CA10: variants seen among roughly 807,000 people sequenced by gnomAD.
CA10 encodes the protein carbonic anhydrase-related protein 10.
Under a neutral mutation model 44.2 loss-of-function variants are expected in CA10, and 14 were observed. The observed-to-expected ratio is 0.32, with a 90% confidence interval of 0.21 to 0.50. The LOEUF is 0.50. CA10 is among the 20% of genes least tolerant of loss of function. The pLI is 0.99. For missense variants in CA10, 350 were observed against 409.7 expected (o/e 0.85, Z 1.26); for synonymous variants, 159 against 141.6 (o/e 1.12, Z -0.87).
intron 2 of CA10, among the ~76,000 whole-genome samples, chr17:52,042,121 C>G (rs940586547): frequency 6.6e-6 from 1 of 151,972 alleles, no homozygotes; most frequent in South Asian, 2.1e-4. Flanking sequence ...AGAAGTGAGA[C>G]AGCAGGATCA....
chr17:51,790,264 T>G (rs1232983656), intron 3 of CA10, among the ~76,000 whole-genome samples: 2 of 152,166 alleles, frequency 1.3e-5, no homozygotes, highest in Admixed American at 1.3e-4. Flanking sequence ...CATGATAACT[T>G]GCCTCAATGA....
At chr17:51,715,419 A>C (rs1009443573) in intron 4 of CA10, among the ~76,000 whole-genome samples, 2 of 152,172 alleles carry the variant, frequency 1.3e-5, no homozygotes, top group African/African-American at 4.8e-5. Context: ...AGTAATTAAA[A>C]AAATTTTTCC....
At chr17:51,867,374 A>G (rs1036667138) in intron 3 of CA10, among the ~76,000 whole-genome samples, 1 of 152,214 alleles carries the variant, frequency 6.6e-6, no homozygotes, top group Admixed American at 6.5e-5. Context: ...GAGACTGTAG[A>G]GTGTAATGGT....
intron 3 of CA10, among the ~76,000 whole-genome samples, chr17:51,755,376 G>C (rs1905046672): frequency 1.3e-5 from 2 of 152,148 alleles, no homozygotes; most frequent in Admixed American, 1.3e-4. Flanking sequence ...TTGTAGGGTG[G>C]ATGTTTACTG....
At chr17:51,996,570 A>G (rs895700792) in intron 2 of CA10, among the ~76,000 whole-genome samples, 1 of 151,874 alleles carries the variant, frequency 6.6e-6, no homozygotes, top group Admixed American at 6.6e-5. Flanking sequence ...CTAATTTCCT[A>G]TCTCATATTT....
intron 4 of CA10, among the ~76,000 whole-genome samples, chr17:51,668,498 AG>A (rs1468421709): frequency 1.3e-5 from 2 of 152,260 alleles, no homozygotes; most frequent in African/African-American, 4.8e-5. Context: ...GTTTATCAAC[AG>A]ATCTAGACTT....
chr17:51,936,783 C>T (rs1015313238), intron 2 of CA10, among the ~76,000 whole-genome samples: 4 of 152,034 alleles, frequency 2.6e-5, no homozygotes, highest in African/African-American at 9.7e-5. Context: ...GGAACACAGC[C>T]AAGAGCAAGC....
At chr17:52,051,933 G>T (rs189036955) in intron 2 of CA10, among the ~76,000 whole-genome samples, 88 of 152,164 alleles carry the variant, frequency 5.8e-4, no homozygotes, top group Non-Finnish European at 9.9e-4. Context: ...ATACACCATG[G>T]AATACTAGGC....
chr17:51,670,684 A>G (rs1199682148), intron 4 of CA10, among the ~76,000 whole-genome samples: 7 of 152,164 alleles, frequency 4.6e-5, no homozygotes, highest in African/African-American at 1.7e-4. Context: ...ACAATGAGTA[A>G]CACCACCACT....
chr17:51,786,739 T>C (rs1027666227), intron 3 of CA10, among the ~76,000 whole-genome samples: 2 of 152,260 alleles, frequency 1.3e-5, no homozygotes, highest in African/African-American at 4.8e-5. Flanking sequence ...AAGTGGGCAT[T>C]CTTGTTATGT....
At chr17:51,940,283 G>C (rs1309731809) in intron 2 of CA10, among the ~76,000 whole-genome samples, 1 of 152,050 alleles carries the variant, frequency 6.6e-6, no homozygotes, top group Non-Finnish European at 1.5e-5. Context: ...ACTGTTTTGA[G>C]TGTAGTAACA....
intron 4 of CA10, among the ~76,000 whole-genome samples, chr17:51,711,483 AAC>A (rs946043360): frequency 4.6e-5 from 7 of 152,192 alleles, no homozygotes; most frequent in African/African-American, 1.7e-4. Flanking sequence ...GAAAACATGA[AAC>A]ACAGATTTTT....
At chr17:52,140,795 G>T (rs569858887) in intron 1 of CA10, among the ~76,000 whole-genome samples, 8 of 152,238 alleles carry the variant, frequency 5.3e-5, no homozygotes, top group African/African-American at 1.9e-4. Flanking sequence ...AGCCTAAGCC[G>T]CTGCTTCTTG....
intron 1 of CA10, among the ~76,000 whole-genome samples, chr17:52,089,071 G>A (rs1038923799): frequency 3.9e-5 from 6 of 152,186 alleles, no homozygotes; most frequent in African/African-American, 1.4e-4. Flanking sequence ...GCAGGATCAT[G>A]TAATCACGAA....
At chr17:52,060,261 C>G (rs148483961) in intron 2 of CA10, among the ~76,000 whole-genome samples, 477 of 152,224 alleles carry the variant, frequency 3.1e-3, no homozygotes, top group African/African-American at 0.011. Context: ...TTTCTCAAAA[C>G]TGTCAGTCAT....
chr17:51,890,248 G>C (rs1041824705), intron 3 of CA10, among the ~76,000 whole-genome samples: 3 of 152,202 alleles, frequency 2.0e-5, no homozygotes, highest in Middle Eastern at 3.4e-3. Context: ...GAGTAGGCAG[G>C]GTGTGTAGAA....
At chr17:51,868,357 T>A (rs2143855556) in intron 3 of CA10, among the ~76,000 whole-genome samples, 1 of 152,288 alleles carries the variant, frequency 6.6e-6, no homozygotes, top group South Asian at 2.1e-4. Context: ...TTTGTATTAC[T>A]GCTTCTGAGA....
chr17:51,925,457 G>A (rs1982390594), intron 3 of CA10, among the ~76,000 whole-genome samples: 2 of 151,748 alleles, frequency 1.3e-5, no homozygotes, highest in African/African-American at 4.8e-5. Flanking sequence ...GTTTCTGTGA[G>A]GATATGGAAA....
At chr17:51,932,776 A>G (rs1982715878) in intron 2 of CA10, among the ~76,000 whole-genome samples, 1 of 152,142 alleles carries the variant, frequency 6.6e-6, no homozygotes, top group Non-Finnish European at 1.5e-5. Context: ...TTCTTAAAAT[A>G]TGTTATCACT....
Sources: gnomAD v4.1 joint callset for allele counts (sites outside exome capture counted in the v4.1 genomes callset) on GRCh38, gnomAD v4.1.1 for gene constraint, MANE v1.5 for transcripts, NCBI Gene and HGNC (gene_info 2026-07-23, HGNC 2026-07-21) for gene names.